ST8SIA6: variants seen among roughly 807,000 people sequenced by gnomAD.
The protein encoded by ST8SIA6 is ST8 alpha-N-acetyl-neuraminide alpha-2,8-sialyltransferase 6.
Under a neutral mutation model 33.6 loss-of-function variants are expected in ST8SIA6, and 39 were observed. The observed-to-expected ratio is 1.16, with a 90% CI of 0.90 to 1.52. ST8SIA6 has a LOEUF of 1.52. Among genes scored for constraint, ST8SIA6 ranks in the 40% most tolerant of loss-of-function variants. The pLI is 0.00. For synonymous variants in ST8SIA6, 172 were observed against 167.2 expected (o/e 1.03, Z -0.22); for missense variants, 441 against 443.8 (o/e 0.99, Z 0.06).
intron 2 of ST8SIA6, chr10:17,399,005 G>A (rs150773913): frequency 7.2e-5 from 11 of 152,282 alleles, no homozygotes; most frequent in Non-Finnish European, 1.5e-4. Flanking sequence ...TGCATGGTTT[G>A]AATACTCTTT....
At chr10:17,349,101 A>G (rs905884819) in intron 4 of ST8SIA6, among the ~76,000 whole-genome samples, 4 of 152,218 alleles carry the variant, frequency 2.6e-5, no homozygotes, top group East Asian at 1.9e-4. Flanking sequence ...CAGAAAGACG[A>G]TAACCTAGAA....
intron 3 of ST8SIA6, among the ~76,000 whole-genome samples, chr10:17,385,976 G>A (rs1260880135): frequency 1.3e-5 from 2 of 152,036 alleles, no homozygotes; most frequent in African/African-American, 4.8e-5. Context: ...TGCACCCAGG[G>A]TTTTGAGACC....
intron 5 of ST8SIA6, among the ~76,000 whole-genome samples, chr10:17,330,273 G>T (rs1400525532): frequency 6.6e-6 from 1 of 152,124 alleles, no homozygotes; most frequent in Admixed American, 6.5e-5. Flanking sequence ...CCTCTGTTCT[G>T]GTCAGTTGAA....
At position 17,331,553 on chromosome 10, in the gene ST8SIA6, C is replaced by A. The variant is rs1253901099; in HGVS notation, c.378-1G>T. 1.9e-6 allele frequency: 3 copies of A among 1,601,666 alleles called. No homozygotes were observed. Among genetic ancestry groups the A allele is most frequent in the Non-Finnish European group, 2.6e-6 (3 of 1,176,084 alleles). ...ATCACAGCAGGAAGCAAGTTTGGCTCTGCAAAGGAAAAGGATGAAAAGGAA... is the reference window on the plus strand; with the variant it reads ...ATCACAGCAGGAAGCAAGTTTGGCTATGCAAAGGAAAAGGATGAAAAGGAA... On this transcript the variant is annotated splice_acceptor_variant, in intron 4 of 7. Transcript: ENST00000377602. LOFTEE classifies it high-confidence loss of function.
rs928089424 is a variant in ST8SIA6 at position 17,321,148 on chromosome 10, A to T, written c.927T>A (p.Leu309=). 2 of 1,614,116 alleles carry T rather than the reference A, an allele frequency of 1.2e-6. No individual in the cohort carries two copies. Among genetic ancestry groups the T allele is most frequent in the Non-Finnish European group, 1.7e-6 (2 of 1,179,996 alleles). The change falls in exon 8 of 8, where the codon CTT becomes CTA. Residue 309 remains leucine, a synonymous_variant. Coordinates refer to ENST00000377602, the MANE Select transcript of ST8SIA6 (RefSeq NM_001004470.3). ...CAGTCACACCTTTAGTTCTCCAGAAAAGGGCCAGATCTTTCAGGTACTTGG... is the reference window on the plus strand; with the variant it reads ...CAGTCACACCTTTAGTTCTCCAGAATAGGGCCAGATCTTTCAGGTACTTGG... ...FHPKYLKDLA[L]FWRTKGVTAY...
intron 4 of ST8SIA6, among the ~76,000 whole-genome samples, chr10:17,354,382 T>C (rs1322003783): frequency 1.3e-5 from 2 of 152,166 alleles, no homozygotes; most frequent in African/African-American, 4.8e-5. Flanking sequence ...TTTCACAAAT[T>C]ATTCTGTGCA....
intron 5 of ST8SIA6, among the ~76,000 whole-genome samples, chr10:17,328,530 C>T (rs772094775): frequency 6.6e-6 from 1 of 152,162 alleles, no homozygotes; most frequent in African/African-American, 2.4e-5. Context: ...GGTGCCGGCT[C>T]GTGCTTCCCA....
At chr10:17,392,685 G>T (rs551675315) in intron 2 of ST8SIA6, among the ~76,000 whole-genome samples, 79 of 152,318 alleles carry the variant, frequency 5.2e-4, no homozygotes, top group African/African-American at 1.9e-3. Flanking sequence ...GGAGGTTTCT[G>T]CAGGACTCTA....
intron 2 of ST8SIA6, chr10:17,409,266 A>G (rs1392287182): frequency 1.3e-5 from 2 of 152,682 alleles, no homozygotes; most frequent in Non-Finnish European, 2.9e-5. Flanking sequence ...TTCTCTTACA[A>G]TCTGCAAGTC....
intron 4 of ST8SIA6, among the ~76,000 whole-genome samples, chr10:17,346,294 C>G (rs1848830732): frequency 6.6e-6 from 1 of 152,184 alleles, no homozygotes; most frequent in Non-Finnish European, 1.5e-5. Context: ...GGACTGCAAC[C>G]CTATGAAAGC....
At chr10:17,382,075 T>C (rs1850169971) in intron 3 of ST8SIA6, among the ~76,000 whole-genome samples, 1 of 152,212 alleles carries the variant, frequency 6.6e-6, no homozygotes, top group African/African-American at 2.4e-5. Context: ...CTTTAAATCA[T>C]GACTATCACA....
chr10:17,342,774 C>T, intron 4 of ST8SIA6, among the ~76,000 whole-genome samples: 1 of 152,044 alleles, frequency 6.6e-6, no homozygotes, highest in East Asian at 1.9e-4. Flanking sequence ...CATGGTGAGA[C>T]CCCCTCTCTA....
chr10:17,318,015 G>A lies in ST8SIA6; in HGVS notation c.*2863C>T, dbSNP rs1847829234. Among the ~76,000 whole-genome samples the A allele has an allele frequency of 6.6e-6, 1 of 152,160 alleles. No homozygotes were observed. The highest frequency in any genetic ancestry group is 6.5e-5 in the Admixed American group (1 of 15,270). Reference sequence around the variant, plus strand: ...TGAAGCCCTTTGCAGGGACCACAGAGTACTATGGACTATATACTTAAATGA... The same window carrying A: ...TGAAGCCCTTTGCAGGGACCACAGAATACTATGGACTATATACTTAAATGA... On this transcript the variant is annotated 3_prime_UTR_variant, in exon 8 of 8. Coordinates refer to ENST00000377602, the MANE Select transcript of ST8SIA6 (RefSeq NM_001004470.3).
Position 17,359,611 on chromosome 10 carries a change from A to T in ST8SIA6, c.291-11T>A. 2.0e-6 allele frequency: 3 copies of T among 1,526,190 alleles called. No homozygotes were observed. The highest frequency in any genetic ancestry group is 1.4e-5 in the African/African-American group (1 of 72,580). 94.5% of individuals were successfully genotyped at this position (1,526,190 alleles called of 1,614,324 possible). A position where few individuals can be genotyped will look rare whatever the true frequency, so the allele number is the denominator to read the frequency against. ...TCGTTCTCTGAATACCTAAAAATTAAATGTCAATATAATTAGAAAATAATG... is the reference window on the plus strand; with the variant it reads ...TCGTTCTCTGAATACCTAAAAATTATATGTCAATATAATTAGAAAATAATG... On this transcript the variant is annotated splice_polypyrimidine_tract_variant and intron_variant, in intron 3 of 7. Coordinates refer to ENST00000377602, the MANE Select transcript of ST8SIA6 (RefSeq NM_001004470.3).
chr10:17,394,060 G>A (rs900848905), intron 2 of ST8SIA6, among the ~76,000 whole-genome samples: 1 of 152,202 alleles, frequency 6.6e-6, no homozygotes, highest in Non-Finnish European at 1.5e-5. Context: ...TTACGATGGC[G>A]TTGCAGTATT....
At chr10:17,355,900 T>C (rs1849174741) in intron 4 of ST8SIA6, among the ~76,000 whole-genome samples, 1 of 152,190 alleles carries the variant, frequency 6.6e-6, no homozygotes, top group South Asian at 2.1e-4. Context: ...CCTTTCTTCC[T>C]GGCCTCATCA....
intron 4 of ST8SIA6, among the ~76,000 whole-genome samples, chr10:17,349,351 T>C (rs2131606393): frequency 6.6e-6 from 1 of 152,360 alleles, no homozygotes; most frequent in Admixed American, 6.5e-5. Context: ...ACTTGCTGTA[T>C]TTATTGCAGA....
chr10:17,437,884 C>T (rs1231792058), intron 2 of ST8SIA6, among the ~76,000 whole-genome samples: 1 of 152,116 alleles, frequency 6.6e-6, no homozygotes, highest in Non-Finnish European at 1.5e-5. Flanking sequence ...GTGGGCACCA[C>T]CATGCCCAGC....
chr10:17,440,620 C>G (rs1852447638), intron 2 of ST8SIA6, among the ~76,000 whole-genome samples: 1 of 152,184 alleles, frequency 6.6e-6, no homozygotes, highest in Non-Finnish European at 1.5e-5. Flanking sequence ...CGGCTATGCA[C>G]TCTCCGTGTT....
Sources: gnomAD v4.1 joint callset for allele counts (sites outside exome capture counted in the v4.1 genomes callset) on GRCh38, gnomAD v4.1.1 for gene constraint, MANE v1.5 for transcripts, NCBI Gene and HGNC (gene_info 2026-07-23, HGNC 2026-07-21) for gene names.